The following DNM3 variants were observed in gnomAD, a reference collection of about 807,000 sequenced individuals.
DNM3 encodes dynamin-3.
In DNM3, 47 loss-of-function variants were observed where a neutral mutation model predicts 101.6. The observed-to-expected ratio is 0.46, with a 90% CI of 0.37 to 0.59. The LOEUF is 0.59. DNM3 is among the 20% of genes least tolerant of loss of function. DNM3 has a pLI of 0.00. For missense variants in DNM3, 849 were observed against 1,085.7 expected (o/e 0.78, Z 3.06); for synonymous variants, 385 against 387.9 (o/e 0.99, Z 0.09).
intron 14 of DNM3, chr1:172,133,034 G>A (rs2057025033): frequency 4.0e-6 from 6 of 1,498,536 alleles, no homozygotes; most frequent in Non-Finnish European, 5.3e-6. Context: ...GATGCCTGGA[G>A]TTGTCCAAGC....
chr1:172,389,998 AGG>A (rs1282719071), intron 20 of DNM3, among the ~76,000 whole-genome samples: 3 of 152,210 alleles, frequency 2.0e-5, no homozygotes, highest in African/African-American at 7.2e-5. Context: ...GAACTCAATA[AGG>A]TTGTTCCCCA....
At chr1:172,354,820 G>A (rs1171934341) in intron 17 of DNM3, among the ~76,000 whole-genome samples, 1 of 152,044 alleles carries the variant, frequency 6.6e-6, no homozygotes, top group African/African-American at 2.4e-5. Flanking sequence ...TTAGACATAT[G>A]GAGATAGGAG....
intron 1 of DNM3, among the ~76,000 whole-genome samples, chr1:171,909,101 C>T (rs2039073166): frequency 6.6e-6 from 1 of 152,056 alleles, no homozygotes; most frequent in Non-Finnish European, 1.5e-5. Context: ...TACTAACAGT[C>T]CCAGTTATGA....
chr1:171,944,343 T>G (rs1268940833), intron 2 of DNM3, among the ~76,000 whole-genome samples: 1 of 56,334 alleles, frequency 1.8e-5, no homozygotes. Flanking sequence ...AACAATGTAT[T>G]TATTTATTTA....
At chr1:172,324,584 A>G (rs2065865114) in intron 17 of DNM3, among the ~76,000 whole-genome samples, 1 of 152,186 alleles carries the variant, frequency 6.6e-6, no homozygotes, top group Non-Finnish European at 1.5e-5. Context: ...TGATTTTTAA[A>G]AACAGCAGGT....
At chr1:172,063,775 CAAAAAAAA>C (rs11317272) in intron 10 of DNM3, among the ~76,000 whole-genome samples, 1 of 87,774 alleles carries the variant, frequency 1.1e-5, no homozygotes, top group African/African-American at 4.1e-5. Context: ...GAGACTTTGT[CAAAAAAAA>C]AAAAAAAAAA....
chr1:171,902,574 C>T (rs2038453429), intron 1 of DNM3, among the ~76,000 whole-genome samples: 1 of 151,648 alleles, frequency 6.6e-6, no homozygotes, highest in African/African-American at 2.4e-5. Context: ...TAATCTTTGC[C>T]AAAAGGAGGG....
At chr1:171,941,688 T>C (rs544075775) in intron 2 of DNM3, among the ~76,000 whole-genome samples, 1 of 152,330 alleles carries the variant, frequency 6.6e-6, no homozygotes, top group African/African-American at 2.4e-5. Flanking sequence ...TTAATATCCT[T>C]GTTCATAGTA....
At chr1:172,265,760 T>G (rs1012738879) in intron 15 of DNM3, among the ~76,000 whole-genome samples, 30 of 152,152 alleles carry the variant, frequency 2.0e-4, no homozygotes, top group African/African-American at 6.3e-4. Context: ...GCGTTCAGTT[T>G]TAAGGTCATG....
At chr1:171,879,180 G>C (rs1204424889) in intron 1 of DNM3, among the ~76,000 whole-genome samples, 1 of 152,108 alleles carries the variant, frequency 6.6e-6, no homozygotes, top group Non-Finnish European at 1.5e-5. Context: ...CCATATGAAA[G>C]GTGCTGTTTT....
chr1:172,309,018 A>C, intron 16 of DNM3, 179 bp downstream of exon 16: 1 of 424,918 alleles, frequency 2.4e-6, no homozygotes, highest in Non-Finnish European at 4.1e-6. Context: ...TTTCTCTGTT[A>C]GATTTCTATT....
At position 171,872,151 on chromosome 1, in the gene DNM3, C is replaced by T. The variant is rs868852654; in HGVS notation, c.161+30334C>T. Among the ~76,000 whole-genome samples, 3 of 152,218 alleles carry T rather than the reference C, an allele frequency of 2.0e-5. No individual in the cohort carries two copies. The South Asian group carries it at 6.2e-4, about 32-fold the overall frequency. On this transcript the variant is annotated intron_variant, in intron 1 of 20. Transcript: ENST00000627582. ...TCAGGGAAAATGACAGAGATCATCA[C>T]ATTTGAGTTAGTGCTTAAAGAATAA... is the stretch of plus-strand genomic sequence containing the variant.
chr1:171,939,665 A>G (rs912517200), intron 2 of DNM3, among the ~76,000 whole-genome samples: 1 of 152,236 alleles, frequency 6.6e-6, no homozygotes, highest in Non-Finnish European at 1.5e-5. Flanking sequence ...GAAGAGAACT[A>G]AAAGACAAAC....
chr1:172,417,439 A>G (rs1226384561), downstream of DNM3, among the ~76,000 whole-genome samples: 4 of 152,230 alleles, frequency 2.6e-5, no homozygotes, highest in African/African-American at 7.2e-5. Flanking sequence ...ATGAAGCACA[A>G]CTTGGACCCT....
chr1:172,063,779 A>C (rs2125921041), intron 10 of DNM3, among the ~76,000 whole-genome samples: 1 of 147,692 alleles, frequency 6.8e-6, no homozygotes, highest in Non-Finnish European at 1.5e-5. Flanking sequence ...CTTTGTCAAA[A>C]AAAAAAAAAA....
At chr1:171,911,054 A>C (rs576269465) in intron 1 of DNM3, among the ~76,000 whole-genome samples, 48 of 152,172 alleles carry the variant, frequency 3.2e-4, no homozygotes, top group Non-Finnish European at 4.3e-4. Flanking sequence ...CTGGGAATAA[A>C]AAGTTTGCGT....
At chr1:172,292,078 C>T (rs1359936519) in intron 15 of DNM3, among the ~76,000 whole-genome samples, 7 of 152,110 alleles carry the variant, frequency 4.6e-5, no homozygotes, top group South Asian at 4.2e-4. Flanking sequence ...TAGGAGGTCA[C>T]GTGCACAGGA....
At chr1:171,978,395 A>C (rs1349235442) in intron 2 of DNM3, among the ~76,000 whole-genome samples, 2 of 152,150 alleles carry the variant, frequency 1.3e-5, no homozygotes, top group Non-Finnish European at 2.9e-5. Flanking sequence ...AACATTCCAG[A>C]AGAGGTGCAG....
rs1478496705 is a variant in DNM3 at position 172,316,429 on chromosome 1, A to G, written c.1882-6900A>G. The stretch of plus-strand genomic sequence containing the variant: ...TAAAAGGACTAAATATCCCAATTAA[A>G]AGACACAGACTGGCAAATGGGATAA... On this transcript the variant is annotated intron_variant, in intron 16 of 20. Transcript: ENST00000627582. Among the ~76,000 whole-genome samples the G allele has an allele frequency of 2.0e-5, 3 of 152,234 alleles. No homozygotes were observed. The East Asian group carries it at 5.8e-4, about 29-fold the overall frequency.
Sources: gnomAD v4.1 joint callset for allele counts (sites outside exome capture counted in the v4.1 genomes callset) on GRCh38, gnomAD v4.1.1 for gene constraint, MANE v1.5 for transcripts, NCBI Gene and HGNC (gene_info 2026-07-23, HGNC 2026-07-21) for gene names.